Variants in EGFR observed in about 807,000 individuals in gnomAD.
EGFR encodes epidermal growth factor receptor.
A neutral mutation model predicts 143.0 loss-of-function variants in EGFR; 58 were observed. The ratio of observed to expected loss-of-function variants is 0.41; its 90% confidence interval spans 0.33 to 0.50. The LOEUF is 0.50. EGFR is among the 20% of genes least tolerant of loss of function. The pLI is 0.39. For missense variants in EGFR, 1,307 were observed against 1,579.0 expected (o/e 0.83, Z 2.92); for synonymous variants, 613 against 594.4 (o/e 1.03, Z -0.45).
Position 55,152,464 on chromosome 7 carries a change from GTC to G in EGFR, c.629-80_629-79del. 7.9e-6 allele frequency: 10 copies of G among 1,273,524 alleles called. No individual in the cohort carries two copies. In the East Asian group the frequency reaches 1.8e-4, roughly 24 times the overall value. 78.9% of individuals were successfully genotyped at this position (1,273,524 alleles called of 1,614,324 possible). ...TGTGTCTTCACTTTTTCATGAAAAAGTCTGCAAGTGCTCTGCGACATCCCTGG... is the reference window on the plus strand; with the variant it reads ...TGTGTCTTCACTTTTTCATGAAAAAGTGCAAGTGCTCTGCGACATCCCTGG... On this transcript the variant is annotated intron_variant, in intron 5 of 27. Transcript: ENST00000275493.
rs750582201 is a variant in EGFR at position 55,201,191 on chromosome 7, G to T, written c.2950G>T (p.Asp984Tyr). 6.2e-7 allele frequency: 1 copy of T among 1,614,188 alleles called. No individual in the cohort carries two copies. Among genetic ancestry groups the T allele is most frequent in the Non-Finnish European group, 8.5e-7 (1 of 1,180,040 alleles). Residue 984 changes from aspartate to tyrosine, a missense_variant, in exon 25 of 28, where the codon GAT becomes TAT. By Grantham distance (160) the Asp-to-Tyr change is radical. Transcript: ENST00000275493. Reference protein sequence around the residue: ...DPQRYLVIQGDERMHLPSPTD... With the variant: ...DPQRYLVIQGYERMHLPSPTD... Reference sequence around the variant, plus strand: ...AGCCTCAAAATCTCTGCACCAGGGGGATGAAAGAATGCATTTGCCAAGTCC... The same window carrying T: ...AGCCTCAAAATCTCTGCACCAGGGGTATGAAAGAATGCATTTGCCAAGTCC...
intron 1 of EGFR, among the ~76,000 whole-genome samples, chr7:55,072,549 T>C (rs1341639241): frequency 2.0e-5 from 3 of 152,232 alleles, no homozygotes; most frequent in Admixed American, 1.3e-4. Flanking sequence ...GTGATGCTGA[T>C]GCCGTTCCCT....
intron 15 of EGFR, among the ~76,000 whole-genome samples, chr7:55,165,736 C>T (rs116012076): frequency 1.8e-4 from 27 of 152,322 alleles, no homozygotes; most frequent in African/African-American, 6.5e-4. Flanking sequence ...GCCACAGTCT[C>T]CAGGGGCTTT....
intron 19 of EGFR, among the ~76,000 whole-genome samples, chr7:55,176,243 A>C (rs1786584313): frequency 6.6e-6 from 1 of 152,220 alleles, no homozygotes; most frequent in Non-Finnish European, 1.5e-5. Flanking sequence ...GGTATTTATA[A>C]ATGCAGTGTG....
intron 1 of EGFR, among the ~76,000 whole-genome samples, chr7:55,136,582 C>T (rs372970592): frequency 6.6e-6 from 1 of 152,364 alleles, no homozygotes; most frequent in East Asian, 1.9e-4. Context: ...CACACACACA[C>T]ACACATCCTT....
intron 18 of EGFR, 42 bp downstream of exon 18, chr7:55,174,085 C>T: frequency 1.2e-6 from 2 of 1,613,532 alleles, no homozygotes; most frequent in Non-Finnish European, 1.7e-6. Context: ...GCCGCAGGGC[C>T]TCTCATGGTC....
At chr7:55,180,782 C>A in intron 19 of EGFR, 1 of 177,630 alleles carries the variant, frequency 5.6e-6, no homozygotes. Flanking sequence ...TCCCTGCTGG[C>A]TCGGTGCTCC....
At chr7:55,052,980 A>T (rs1788578106) in intron 1 of EGFR, among the ~76,000 whole-genome samples, 1 of 152,102 alleles carries the variant, frequency 6.6e-6, no homozygotes, top group Admixed American at 6.5e-5. Context: ...GAGCACAGAA[A>T]ATAAGACCTT....
chr7:55,173,206 A>T (rs1157081376), intron 17 of EGFR, 82 bp downstream of exon 17: 1 of 1,572,696 alleles, frequency 6.4e-7, no homozygotes. Flanking sequence ...GGCCATTAGC[A>T]GTTGTGTATG....
intron 11 of EGFR, among the ~76,000 whole-genome samples, chr7:55,158,956 C>G (rs891050247): frequency 6.6e-6 from 1 of 152,206 alleles, no homozygotes; most frequent in African/African-American, 2.4e-5. Context: ...TACTCTAACC[C>G]CCTGCCATCC....
intron 1 of EGFR, among the ~76,000 whole-genome samples, chr7:55,063,893 T>C (rs529499253): frequency 5.9e-5 from 9 of 152,340 alleles, no homozygotes; most frequent in African/African-American, 2.2e-4. Flanking sequence ...ACAGTCATTC[T>C]TAGGATTACT....
chr7:55,166,740 GA>G (rs55993782), intron 15 of EGFR, among the ~76,000 whole-genome samples: 2 of 139,652 alleles, frequency 1.4e-5, no homozygotes, highest in Non-Finnish European at 1.5e-5. Context: ...TGGTGGTAGT[GA>G]TGATGGTGTT....
intron 1 of EGFR, among the ~76,000 whole-genome samples, chr7:55,128,147 G>C (rs1163696256): frequency 6.6e-6 from 1 of 152,226 alleles, no homozygotes; most frequent in Non-Finnish European, 1.5e-5. Context: ...CAGCCCTGCT[G>C]CTCCACTCCT....
chr7:55,177,921 C>T (rs1406037255), intron 19 of EGFR, among the ~76,000 whole-genome samples: 4 of 152,256 alleles, frequency 2.6e-5, no homozygotes, highest in South Asian at 2.1e-4. Flanking sequence ...CTGCGTACAC[C>T]GAACGGGACA....
intron 1 of EGFR, among the ~76,000 whole-genome samples, chr7:55,091,299 C>T (rs972185021): frequency 1.3e-5 from 2 of 152,242 alleles, no homozygotes; most frequent in Non-Finnish European, 2.9e-5. Flanking sequence ...AGTCTTTCAT[C>T]TGTAATTATC....
chr7:55,112,821 C>T (rs796383366), intron 1 of EGFR, among the ~76,000 whole-genome samples: 13 of 152,298 alleles, frequency 8.5e-5, no homozygotes, highest in African/African-American at 3.1e-4. Context: ...AATCCCAGAC[C>T]CCCAACTTCC....
In EGFR at chr7:55,155,878, C is replaced by A. The variant is rs149321481; in HGVS notation, c.938C>A (p.Ala313Asp). ...DHGSCVRACG[A>D]DSYEMEEDGV... ...GGCTCGTGCGTCCGAGCCTGTGGGG[C>A]CGACAGCTATGAGATGGAGGAAGAC... The change falls in exon 8 of 28, where the codon GCC (alanine) becomes GAC (aspartate). Residue 313 changes from alanine to aspartate, a missense_variant. Physicochemically the swap from Ala to Asp is moderately radical, Grantham distance 126. Transcript: ENST00000275493. The A allele has an allele frequency of 6.2e-7, 1 of 1,613,988 alleles. No individual in the cohort carries two copies. Among genetic ancestry groups the A allele is most frequent in the Non-Finnish European group, 8.5e-7 (1 of 1,180,012 alleles).
At chr7:55,117,676 G>A (rs1792951387) in intron 1 of EGFR, among the ~76,000 whole-genome samples, 1 of 152,214 alleles carries the variant, frequency 6.6e-6, no homozygotes, top group African/African-American at 2.4e-5. Context: ...ATTCCCTTCT[G>A]CGCCATAGAC....
At chr7:55,073,164 T>C (rs1789931134) in intron 1 of EGFR, among the ~76,000 whole-genome samples, 2 of 152,244 alleles carry the variant, frequency 1.3e-5, no homozygotes, top group Non-Finnish European at 1.5e-5. Context: ...TTTTTCTAAA[T>C]ACTGAAAGAC....
Sources: allele counts gnomAD v4.1 joint callset (sites outside exome capture counted in the v4.1 genomes callset), GRCh38; gene constraint gnomAD v4.1.1; transcripts MANE v1.5; gene names NCBI Gene and HGNC (gene_info 2026-07-23, HGNC 2026-07-21).